The following CALN1 variants were observed in gnomAD, a reference collection of about 807,000 sequenced individuals.
The protein encoded by CALN1 is calcium-binding protein 8.
In CALN1, 17 loss-of-function variants were observed where a neutral mutation model predicts 30.6. The ratio of observed to expected loss-of-function variants is 0.56; its 90% confidence interval spans 0.38 to 0.83. The LOEUF (loss-of-function observed/expected upper bound fraction) is 0.83, where lower values mean the gene tolerates loss of function less well. Ranked by LOEUF, CALN1 falls within the 40% of genes least tolerant of loss-of-function variation. The pLI is 0.00. For missense variants in CALN1, 291 were observed against 354.9 expected (o/e 0.82, Z 1.45); for synonymous variants, 156 against 131.4 (o/e 1.19, Z -1.28).
intron 2 of CALN1, among the ~76,000 whole-genome samples, chr7:72,326,997 G>C (rs139016426): frequency 1.6e-4 from 24 of 152,300 alleles, no homozygotes; most frequent in African/African-American, 5.5e-4. Context: ...GATATGTTTA[G>C]TTAATGATTT....
At chr7:72,336,348 G>A (rs1262028809) in intron 2 of CALN1, among the ~76,000 whole-genome samples, 2 of 152,242 alleles carry the variant, frequency 1.3e-5, no homozygotes, top group Admixed American at 1.3e-4. Flanking sequence ...CGCGCAGCCT[G>A]GTGGCCACTG....
At chr7:72,331,347 C>T (rs188565563) in intron 2 of CALN1, among the ~76,000 whole-genome samples, 24 of 151,344 alleles carry the variant, frequency 1.6e-4, no homozygotes, top group African/African-American at 5.6e-4. Flanking sequence ...GAGACTCCAT[C>T]AAAAAAAAGA....
At chr7:72,240,385 G>A (rs894704699) in intron 3 of CALN1, among the ~76,000 whole-genome samples, 9 of 151,942 alleles carry the variant, frequency 5.9e-5, no homozygotes, top group African/African-American at 1.9e-4. Flanking sequence ...TGTAGAGTTC[G>A]AGTCTTGCTC....
chr7:71,958,589 C>G (rs1797086382), intron 5 of CALN1, among the ~76,000 whole-genome samples: 1 of 152,268 alleles, frequency 6.6e-6, no homozygotes, highest in South Asian at 2.1e-4. Flanking sequence ...ACTTGCCTCT[C>G]CACCCATCTT....
intron 1 of CALN1, among the ~76,000 whole-genome samples, chr7:72,419,515 A>C (rs1220552678): frequency 1.3e-5 from 2 of 152,110 alleles, no homozygotes; most frequent in African/African-American, 2.4e-5. Flanking sequence ...TGACTGCATG[A>C]ATACGGGTGT....
intron 3 of CALN1, among the ~76,000 whole-genome samples, chr7:72,176,576 T>C (rs1236210810): frequency 1.3e-5 from 2 of 152,054 alleles, no homozygotes; most frequent in Non-Finnish European, 2.9e-5. Flanking sequence ...CCTCATCACC[T>C]TCCCTCCATG....
chr7:71,858,329 A>C (rs1791073727), intron 5 of CALN1, among the ~76,000 whole-genome samples: 1 of 152,130 alleles, frequency 6.6e-6, no homozygotes, highest in Non-Finnish European at 1.5e-5. Context: ...TGAGTCAAGT[A>C]AACCTCTTTC....
intron 1 of CALN1, among the ~76,000 whole-genome samples, chr7:72,443,244 C>T (rs910094677): frequency 6.6e-6 from 1 of 152,190 alleles, no homozygotes; most frequent in Non-Finnish European, 1.5e-5. Context: ...GCAAGTTCCG[C>T]AAGAGCAGGA....
At chr7:72,355,728 G>GA (rs1206364757) in intron 2 of CALN1, among the ~76,000 whole-genome samples, 6 of 152,024 alleles carry the variant, frequency 3.9e-5, no homozygotes, top group Admixed American at 6.6e-5. Flanking sequence ...TTCTAGAACA[G>GA]AAAAAAACAA....
chr7:72,461,837 G>A, the CALN1 span, among the ~76,000 whole-genome samples: 8 of 152,026 alleles, frequency 5.3e-5, no homozygotes, highest in East Asian at 1.9e-4. Context: ...GCAAAACCCC[G>A]TTTCTACTAA....
chr7:72,044,293 G>C (rs769189612), intron 4 of CALN1, among the ~76,000 whole-genome samples: 12 of 152,110 alleles, frequency 7.9e-5, no homozygotes, highest in Non-Finnish European at 1.5e-4. Context: ...CCCATTTCTG[G>C]TCATGTTTCT....
At chr7:72,202,209 C>A (rs1249228458) in intron 3 of CALN1, among the ~76,000 whole-genome samples, 1 of 152,026 alleles carries the variant, frequency 6.6e-6, no homozygotes, top group East Asian at 1.9e-4. Flanking sequence ...AAGACTGATA[C>A]CGCAGGAAAA....
At chr7:71,952,415 C>T (rs1030979622) in intron 5 of CALN1, among the ~76,000 whole-genome samples, 6 of 152,196 alleles carry the variant, frequency 3.9e-5, no homozygotes, top group Non-Finnish European at 8.8e-5. Flanking sequence ...CCAGGGAAGG[C>T]GTGCATGTCA....
chr7:72,316,412 GA>G (rs1305820396), intron 2 of CALN1, among the ~76,000 whole-genome samples: 1 of 151,172 alleles, frequency 6.6e-6, no homozygotes, highest in Admixed American at 6.6e-5. Flanking sequence ...GATATTAAGT[GA>G]AAAAACAGTT....
At chr7:72,500,060 C>A in the CALN1 span, among the ~76,000 whole-genome samples, 1 of 150,654 alleles carries the variant, frequency 6.6e-6, no homozygotes, top group African/African-American at 2.4e-5. Context: ...TACAGGCATG[C>A]ACCACCAAGT....
chr7:72,061,591 G>A (rs914240904), intron 4 of CALN1, among the ~76,000 whole-genome samples: 15 of 151,368 alleles, frequency 9.9e-5, no homozygotes, highest in Non-Finnish European at 2.1e-4. Context: ...GGTGATAGAA[G>A]AGCTAGTGAA....
At chr7:71,843,880 C>T (rs1427772025) in intron 5 of CALN1, among the ~76,000 whole-genome samples, 2 of 152,020 alleles carry the variant, frequency 1.3e-5, no homozygotes, top group Admixed American at 6.6e-5. Flanking sequence ...ACACAGATGG[C>T]GTTAGAGATT....
chr7:72,333,691 G>GAAAAA (rs5884885), intron 2 of CALN1, among the ~76,000 whole-genome samples: 1 of 107,798 alleles, frequency 9.3e-6, no homozygotes, highest in East Asian at 3.2e-4. Context: ...GGAATATGCA[G>GAAAAA]AAAAAAAAAA....
At chr7:72,034,681 A>T (rs559753042) in intron 4 of CALN1, among the ~76,000 whole-genome samples, 1 of 150,464 alleles carries the variant, frequency 6.6e-6, no homozygotes, top group South Asian at 2.1e-4. Context: ...CCAGCTACTC[A>T]GGAGGCTAAG....
Sources: gnomAD v4.1 joint callset for allele counts (sites outside exome capture counted in the v4.1 genomes callset) on GRCh38, gnomAD v4.1.1 for gene constraint, MANE v1.5 for transcripts, NCBI Gene and HGNC (gene_info 2026-07-23, HGNC 2026-07-21) for gene names.